Variants in VTI1A observed in about 807,000 individuals in gnomAD.
VTI1A encodes vesicle transport through interaction with t-SNAREs 1A.
VTI1A carries 22 observed loss-of-function variants against 34.9 expected under a neutral mutation model. The observed-to-expected ratio is 0.63, with a 90% CI of 0.45 to 0.90. The LOEUF is 0.90. VTI1A is among the 40% of genes least tolerant of loss of function. The probability of loss-of-function intolerance (pLI) is 0.00; values close to 1 mark genes in which losing one functional copy is unlikely to be tolerated. For synonymous variants in VTI1A, 87 were observed against 97.3 expected, an observed-to-expected ratio of 0.89 and a Z score of 0.62; for missense variants, 268 against 275.6, an observed-to-expected ratio of 0.97 and a Z score of 0.20.
At chr10:112,826,284 A>G in the VTI1A span, 8 of 152,262 alleles carry the variant, frequency 5.3e-5, no homozygotes, top group South Asian at 1.7e-3. Flanking sequence ...CAGCCTTGGA[A>G]CCACAAGCCC....
intron 3 of VTI1A, among the ~76,000 whole-genome samples, chr10:112,498,784 TATC>T (rs1849119401): frequency 6.6e-6 from 1 of 152,206 alleles, no homozygotes; most frequent in Non-Finnish European, 1.5e-5. Context: ...TTCCAAGGGT[TATC>T]ATATTTAGAT....
chr10:112,476,607 C>G (rs997935151), intron 3 of VTI1A, among the ~76,000 whole-genome samples: 5 of 152,114 alleles, frequency 3.3e-5, no homozygotes, highest in Non-Finnish European at 7.4e-5. Context: ...TGTTCATTGT[C>G]CTCTTAAGGC....
At chr10:112,555,025 A>T (rs1194539028) in intron 5 of VTI1A, among the ~76,000 whole-genome samples, 2 of 152,034 alleles carry the variant, frequency 1.3e-5, no homozygotes, top group African/African-American at 4.8e-5. Context: ...GAGAGTTAAT[A>T]TTTTTTTCTT....
At chr10:112,754,009 G>A (rs928723904) in intron 7 of VTI1A, among the ~76,000 whole-genome samples, 2 of 152,186 alleles carry the variant, frequency 1.3e-5, no homozygotes, top group South Asian at 2.1e-4. Flanking sequence ...GCACGCAGAC[G>A]TCTTGCTGCA....
In VTI1A at chr10:112,611,812, G is replaced by C. The variant is rs974217527; in HGVS notation, c.428-56406G>C. Among the ~76,000 whole-genome samples, 16 of 139,452 alleles carry C rather than the reference G, an allele frequency of 1.1e-4. No individual in the cohort carries two copies. The Admixed American group carries it at 1.2e-3, about 10-fold the overall frequency. 91.5% of individuals were successfully genotyped at this position (139,452 alleles called of 152,430 possible). On this transcript the variant is annotated intron_variant, in intron 5 of 7. Transcript: ENST00000393077. ...GCTGGAGTCCAGTAGCGCTATCTCAGCTCACTGCAAGCTCCATCTCCTGGG... is the reference window on the plus strand; with the variant it reads ...GCTGGAGTCCAGTAGCGCTATCTCACCTCACTGCAAGCTCCATCTCCTGGG...
chr10:112,690,822 C>G (rs1165825227), intron 7 of VTI1A, among the ~76,000 whole-genome samples: 3 of 152,168 alleles, frequency 2.0e-5, no homozygotes, highest in Non-Finnish European at 2.9e-5. Context: ...CATGCAATAG[C>G]CCCATGATTG....
At chr10:112,460,938 T>C (rs944864604) in intron 2 of VTI1A, among the ~76,000 whole-genome samples, 1 of 152,198 alleles carries the variant, frequency 6.6e-6, no homozygotes, top group African/African-American at 2.4e-5. Flanking sequence ...TGAGACAATA[T>C]TATTTGTCAA....
intron 5 of VTI1A, among the ~76,000 whole-genome samples, chr10:112,577,951 T>A (rs544985517): frequency 3.3e-5 from 5 of 152,336 alleles, no homozygotes; most frequent in African/African-American, 1.2e-4. Flanking sequence ...TTCTTTTGAA[T>A]GGGGTTAATA....
At chr10:112,556,737 AT>A (rs571805393) in intron 5 of VTI1A, among the ~76,000 whole-genome samples, 2 of 151,808 alleles carry the variant, frequency 1.3e-5, no homozygotes, top group African/African-American at 4.8e-5. Flanking sequence ...GTAAAAGAAA[AT>A]TTTTTTTGTT....
intron 7 of VTI1A, among the ~76,000 whole-genome samples, chr10:112,785,321 G>T (rs1852251972): frequency 6.6e-6 from 1 of 152,190 alleles, no homozygotes; most frequent in Non-Finnish European, 1.5e-5. Flanking sequence ...ATGCAGAGAA[G>T]CCCCTCCCCA....
chr10:112,656,045 A>T lies in VTI1A; in HGVS notation c.428-12173A>T, dbSNP rs151058686. Among the ~76,000 whole-genome samples, 686 of 152,356 alleles carry T rather than the reference A, an allele frequency of 4.5e-3. 3 individuals are homozygous for T. The highest frequency in any genetic ancestry group is 0.015 in the African/African-American group (644 of 41,594). ...GAATGAGAGCACTAGCTGGAAGCTG[A>T]AAAGTGAAGAACTCAAAAAATTACC... is the stretch of plus-strand genomic sequence containing the variant. On this transcript the variant is annotated intron_variant, in intron 5 of 7. Coordinates refer to ENST00000393077, the MANE Select transcript of VTI1A (RefSeq NM_145206.4).
chr10:112,723,189 G>A (rs565843307), intron 7 of VTI1A, among the ~76,000 whole-genome samples: 9 of 152,194 alleles, frequency 5.9e-5, no homozygotes, highest in African/African-American at 2.2e-4. Context: ...CATCATCATC[G>A]TCCTCCTCGT....
chr10:112,500,360 A>G (rs1010228442), intron 3 of VTI1A, among the ~76,000 whole-genome samples: 4 of 151,994 alleles, frequency 2.6e-5, no homozygotes, highest in Non-Finnish European at 4.4e-5. Context: ...GCTTGAACCC[A>G]GGAGGCAGAG....
chr10:112,618,130 A>G (rs546103161), intron 5 of VTI1A, among the ~76,000 whole-genome samples: 1 of 152,082 alleles, frequency 6.6e-6, no homozygotes, highest in Non-Finnish European at 1.5e-5. Flanking sequence ...CTCCAGCTTG[A>G]GCAACAGAGT....
chr10:112,599,846 T>A (rs1235799661), intron 5 of VTI1A, among the ~76,000 whole-genome samples: 1 of 152,190 alleles, frequency 6.6e-6, no homozygotes, highest in Non-Finnish European at 1.5e-5. Flanking sequence ...CCCAAAGTGC[T>A]GGGACTACAG....
intron 4 of VTI1A, among the ~76,000 whole-genome samples, chr10:112,532,445 G>A (rs988747229): frequency 2.0e-5 from 3 of 152,146 alleles, no homozygotes; most frequent in Non-Finnish European, 1.5e-5. Flanking sequence ...TTACAACATA[G>A]GTTTCAGTTT....
chr10:112,797,085 A>G (rs1852699788), intron 7 of VTI1A, among the ~76,000 whole-genome samples: 1 of 152,222 alleles, frequency 6.6e-6, no homozygotes, highest in Non-Finnish European at 1.5e-5. Flanking sequence ...AGTCCTGCTC[A>G]TTATCACTGG....
At chr10:112,538,404 A>G in intron 5 of VTI1A, 74 bp downstream of exon 5, 2 of 1,409,886 alleles carry the variant, frequency 1.4e-6, no homozygotes, top group Non-Finnish European at 2.0e-6. Context: ...ATTTCAGGGA[A>G]ACTTCAAAGG....
intron 7 of VTI1A, among the ~76,000 whole-genome samples, chr10:112,809,270 C>G (rs1853203219): frequency 1.3e-5 from 2 of 152,226 alleles, no homozygotes; most frequent in Admixed American, 6.5e-5. Flanking sequence ...TGACAATTAA[C>G]TGTTTCTCCT....
Sources: gnomAD v4.1 joint callset for allele counts (sites outside exome capture counted in the v4.1 genomes callset) on GRCh38, gnomAD v4.1.1 for gene constraint, MANE v1.5 for transcripts, NCBI Gene and HGNC (gene_info 2026-07-23, HGNC 2026-07-21) for gene names.